RORA: variants seen among roughly 807,000 people sequenced by gnomAD.
RORA encodes nuclear receptor ROR-alpha.
A neutral mutation model predicts 69.5 loss-of-function variants in RORA; 7 were observed. The observed-to-expected ratio is 0.10, with a 90% CI of 0.06 to 0.19. RORA has a LOEUF of 0.19. Ranked by LOEUF, RORA falls within the 10% of genes least tolerant of loss-of-function variation. RORA has a pLI of 1.00. For synonymous variants in RORA, 261 were observed against 240.8 expected (o/e 1.08, Z -0.78); for missense variants, 457 against 663.0 (o/e 0.69, Z 3.41).
chr15:60,719,559 G>C (rs2071266645), intron 1 of RORA, among the ~76,000 whole-genome samples: 1 of 152,174 alleles, frequency 6.6e-6, no homozygotes, highest in Admixed American at 6.5e-5. Flanking sequence ...AAAAACCCGA[G>C]AGCAGTAATT....
chr15:60,903,846 A>C (rs1891457982), intron 1 of RORA, among the ~76,000 whole-genome samples: 1 of 152,220 alleles, frequency 6.6e-6, no homozygotes, highest in Non-Finnish European at 1.5e-5. Context: ...AACATGTTAA[A>C]ACTTCCACAG....
At chr15:60,552,362 C>T (rs2067248785) in intron 2 of RORA, among the ~76,000 whole-genome samples, 1 of 152,188 alleles carries the variant, frequency 6.6e-6, no homozygotes, top group Admixed American at 6.5e-5. Flanking sequence ...ATCCCTCGCC[C>T]TCTCCCCGCA....
chr15:60,499,958 C>T lies in RORA; in HGVS notation c.1341G>A (p.Gln447=). ...CGTGTTGAAGAGCTAGCTGAATTTT[C>T]TGTTGCAGTTTTTCAATTTTTACCT... ...QEKVKIEKLQ[Q]KIQLALQHVL... The change falls in exon 10 of 11, where the codon CAG becomes CAA. Residue 447 remains glutamine, a synonymous_variant. Coordinates refer to ENST00000335670, the MANE Select transcript of RORA (RefSeq NM_134261.3). 6.2e-7 allele frequency: 1 copy of T among 1,613,236 alleles called. No individual in the cohort carries two copies. Among genetic ancestry groups the T allele is most frequent in the Non-Finnish European group, 8.5e-7 (1 of 1,179,664 alleles).
chr15:61,113,133 C>T (rs1264715413), intron 1 of RORA, among the ~76,000 whole-genome samples: 1 of 152,166 alleles, frequency 6.6e-6, no homozygotes, highest in East Asian at 1.9e-4. Flanking sequence ...ATGGGTTGCC[C>T]CCTGGAATAG....
chr15:60,608,549 G>C (rs1166659576), intron 2 of RORA, among the ~76,000 whole-genome samples: 1 of 152,138 alleles, frequency 6.6e-6, no homozygotes, highest in Non-Finnish European at 1.5e-5. Flanking sequence ...ACTACATGTT[G>C]CAAGATGCTA....
chr15:60,678,170 C>G (rs967662305), intron 2 of RORA: 1 of 152,962 alleles, frequency 6.5e-6, no homozygotes, highest in Non-Finnish European at 1.5e-5. Flanking sequence ...TATCAGGGCC[C>G]TCGCAGGCCA....
In RORA at chr15:60,543,005, T is replaced by C. The variant is rs1234078926; in HGVS notation, c.197-11154A>G. ...TACACCTCACCCCCCACCCCCAACA[T>C]GTGGGCCTACACACGAGTCCATCCA... On this transcript the variant is annotated intron_variant, in intron 2 of 10. Coordinates refer to ENST00000335670, the MANE Select transcript of RORA (RefSeq NM_134261.3). 5.0e-5 allele frequency among the ~76,000 whole-genome samples: 7 copies of C among 139,474 alleles called. No homozygotes were observed. The East Asian group carries it at 1.2e-3, about 25-fold the overall frequency. The allele number at this position is 139,474 out of a possible 152,430, so 91.5% of individuals were successfully genotyped here.
At chr15:61,053,321 G>A (rs758811255) in intron 1 of RORA, among the ~76,000 whole-genome samples, 16 of 148,470 alleles carry the variant, frequency 1.1e-4, no homozygotes, top group African/African-American at 3.3e-4. Context: ...CCCCCTTCCC[G>A]GGAGACTCCA....
intron 1 of RORA, among the ~76,000 whole-genome samples, chr15:61,093,071 C>G (rs2078731795): frequency 6.6e-6 from 1 of 152,184 alleles, no homozygotes; most frequent in Non-Finnish European, 1.5e-5. Context: ...CTGCCTCGTT[C>G]TCCTGGACTT....
intron 2 of RORA, among the ~76,000 whole-genome samples, chr15:60,640,817 C>G (rs1001479337): frequency 3.9e-5 from 6 of 152,214 alleles, no homozygotes; most frequent in Admixed American, 2.6e-4. Flanking sequence ...TAGTCACTCT[C>G]TATCACAGCC....
At chr15:60,865,766 C>T (rs2073480386) in intron 1 of RORA, among the ~76,000 whole-genome samples, 2 of 152,062 alleles carry the variant, frequency 1.3e-5, no homozygotes, top group African/African-American at 4.8e-5. Flanking sequence ...GTTGCTTCAC[C>T]CAACCACAGA....
chr15:60,791,080 A>G (rs1450454002), intron 1 of RORA, among the ~76,000 whole-genome samples: 1 of 152,128 alleles, frequency 6.6e-6, no homozygotes, highest in Non-Finnish European at 1.5e-5. Flanking sequence ...TTTGGTATCA[A>G]AAAGTCTGGC....
intron 1 of RORA, among the ~76,000 whole-genome samples, chr15:60,947,426 T>C (rs1160563536): frequency 6.6e-6 from 1 of 151,982 alleles, no homozygotes; most frequent in Non-Finnish European, 1.5e-5. Flanking sequence ...ATGTGCTGTG[T>C]CCACTCAGGG....
At chr15:60,691,162 G>A (rs116916571) in intron 1 of RORA, among the ~76,000 whole-genome samples, 204 of 152,038 alleles carry the variant, frequency 1.3e-3, no homozygotes, top group African/African-American at 1.4e-3. Context: ...CCACTTCTCC[G>A]CAGGTCTCCT....
chr15:61,228,675 G>T (rs1006495204), intron 1 of RORA, among the ~76,000 whole-genome samples: 1 of 152,058 alleles, frequency 6.6e-6, no homozygotes, highest in Non-Finnish European at 1.5e-5. Flanking sequence ...GGACACTGCC[G>T]CTTTAAAAGT....
At chr15:60,525,076 A>G (rs1013510560) in intron 3 of RORA, among the ~76,000 whole-genome samples, 6 of 151,942 alleles carry the variant, frequency 3.9e-5, no homozygotes, top group African/African-American at 1.2e-4. Context: ...ACAACAAAAG[A>G]TGAACAAACA....
chr15:60,942,244 G>C (rs773266759), intron 1 of RORA, among the ~76,000 whole-genome samples: 1 of 152,148 alleles, frequency 6.6e-6, no homozygotes, highest in Non-Finnish European at 1.5e-5. Context: ...AACTAGATGT[G>C]GAAACTGAGT....
chr15:61,201,511 G>A (rs2079895211), intron 1 of RORA, among the ~76,000 whole-genome samples: 1 of 152,194 alleles, frequency 6.6e-6, no homozygotes, highest in South Asian at 2.1e-4. Flanking sequence ...CAGTAATTGG[G>A]TGATTTGCCT....
At chr15:61,163,091 A>G (rs1373689548) in intron 1 of RORA, among the ~76,000 whole-genome samples, 1 of 152,210 alleles carries the variant, frequency 6.6e-6, no homozygotes, top group East Asian at 1.9e-4. Context: ...ACACATCATG[A>G]TTTCCTTCCA....
Sources: gnomAD v4.1 joint callset for allele counts (sites outside exome capture counted in the v4.1 genomes callset) on GRCh38, gnomAD v4.1.1 for gene constraint, MANE v1.5 for transcripts, NCBI Gene and HGNC (gene_info 2026-07-23, HGNC 2026-07-21) for gene names.